Variants in PCDHGB3 observed in about 807,000 individuals in gnomAD.
PCDHGB3 encodes protocadherin gamma subfamily B, 3, also known as protocadherin gamma-B3.
Under a neutral mutation model 59.2 loss-of-function variants are expected in PCDHGB3, and 40 were observed. The observed-to-expected ratio is 0.68, with a 90% CI of 0.52 to 0.88. PCDHGB3 has a LOEUF of 0.88. Among genes scored for constraint, PCDHGB3 ranks in the 40% least tolerant of loss-of-function variants. PCDHGB3 has a pLI of 0.00. For synonymous variants in PCDHGB3, 581 were observed against 503.6 expected (o/e 1.15, Z -2.06); for missense variants, 1,309 against 1,187.9 (o/e 1.10, Z -1.50).
At chr5:141,494,940 AG>A (rs888721888) in intron 2 of PCDHGB3, 75 bp downstream of exon 2, 1 of 1,610,860 alleles carries the variant, frequency 6.2e-7, no homozygotes, top group Non-Finnish European at 8.5e-7. Flanking sequence ...GAGATGGGGG[AG>A]GGCCCAGCAT....
At chr5:141,405,775 G>A (rs2094716657) in intron 1 of PCDHGB3, among the ~76,000 whole-genome samples, 1 of 152,002 alleles carries the variant, frequency 6.6e-6, no homozygotes, top group African/African-American at 2.4e-5. Flanking sequence ...ACTGCGCCTG[G>A]CCCTTAACTT....
At chr5:141,396,502 C>T (rs982229069) in intron 1 of PCDHGB3, 2 of 152,106 alleles carry the variant, frequency 1.3e-5, no homozygotes, top group African/African-American at 4.8e-5. Flanking sequence ...CGCCTGTGGT[C>T]CCAGCTACTC....
intron 1 of PCDHGB3, among the ~76,000 whole-genome samples, chr5:141,436,491 T>G (rs546883133): frequency 6.6e-6 from 1 of 152,182 alleles, no homozygotes; most frequent in Non-Finnish European, 1.5e-5. Flanking sequence ...GATAGCAGCT[T>G]TGCAATTAGG....
chr5:141,452,888 C>T (rs62379168), intron 1 of PCDHGB3, among the ~76,000 whole-genome samples: 13,856 of 152,130 alleles, frequency 0.091, 849 homozygotes, highest in African/African-American at 0.17. Flanking sequence ...TAATTTATTC[C>T]ACTTTTATTA....
At position 141,431,590 on chromosome 5, in the gene PCDHGB3, G is replaced by A; in HGVS notation, c.2415+58781G>A. On this transcript the variant is annotated intron_variant, in intron 1 of 3. Transcript: ENST00000576222. The surrounding 1 kb of genome is among the most constrained non-coding windows in gnomAD (Gnocchi z 4.8). ...CTGACGAAGGAGTCAATGCGGAAGT[G>A]AGGTATTCCTTCCGGTATGTGGACG... 1.2e-6 allele frequency: 2 copies of A among 1,614,240 alleles called. No homozygotes were observed. Among genetic ancestry groups the A allele is most frequent in the South Asian group, 1.1e-5 (1 of 91,090 alleles).
intron 1 of PCDHGB3, among the ~76,000 whole-genome samples, chr5:141,451,873 C>A (rs1425706652): frequency 1.3e-5 from 2 of 151,830 alleles, no homozygotes; most frequent in East Asian, 3.9e-4. Context: ...AGAATGAAAC[C>A]CTGTCAAGAA....
chr5:141,490,869 A>G lies in PCDHGB3; in HGVS notation c.2416-3938A>G, dbSNP rs764138126. ...GGGTTCGAGACTCCGGCTCTCCCCCATTGCATGCCAACACATCTCTGCATG... is the reference window on the plus strand; with the variant it reads ...GGGTTCGAGACTCCGGCTCTCCCCCGTTGCATGCCAACACATCTCTGCATG... On this transcript the variant is annotated intron_variant, in intron 1 of 3. Transcript: ENST00000576222. This position sits in a 1 kb window ranked among gnomAD's most constrained non-coding sequence, Gnocchi z 5.4. 4.3e-6 allele frequency: 7 copies of G among 1,613,784 alleles called. No homozygotes were observed. The highest frequency in any genetic ancestry group is 1.7e-5 in the Admixed American group (1 of 60,004).
At chr5:141,405,074 G>A (rs536930748) in intron 1 of PCDHGB3, 7 of 1,613,794 alleles carry the variant, frequency 4.3e-6, no homozygotes, top group Non-Finnish European at 5.1e-6. Context: ...CCTCACCTTC[G>A]TTATCACGCT....
At chr5:141,374,059 C>T in intron 1 of PCDHGB3, 1 of 1,489,738 alleles carries the variant, frequency 6.7e-7, no homozygotes, top group Non-Finnish European at 8.9e-7. Flanking sequence ...TTCTTAATCC[C>T]AGAGAAGTTC....
chr5:141,448,818 G>A (rs2098609016), intron 1 of PCDHGB3, among the ~76,000 whole-genome samples: 1 of 151,984 alleles, frequency 6.6e-6, no homozygotes, highest in Admixed American at 6.6e-5. Context: ...GATGGCGGGC[G>A]CCTGTAGTCC....
intron 1 of PCDHGB3, chr5:141,374,293 T>C (rs369929839): frequency 1.2e-6 from 2 of 1,613,788 alleles, no homozygotes; most frequent in African/African-American, 1.3e-5. Context: ...TCTCCAGAGG[T>C]AGGATGCAGC....
At chr5:141,400,756 C>G (rs1220648843) in intron 1 of PCDHGB3, 1 of 584,890 alleles carries the variant, frequency 1.7e-6, no homozygotes, top group African/African-American at 1.9e-5. Context: ...AGCTTCCTCT[C>G]TAGCAAAAAC....
At position 141,491,583 on chromosome 5, in the gene PCDHGB3, C is replaced by T; in HGVS notation, c.2416-3224C>T. On this transcript the variant is annotated intron_variant, in intron 1 of 3. Transcript: ENST00000576222. The surrounding 1 kb of genome is among the most constrained non-coding windows in gnomAD (Gnocchi z 6.9). ...GCTACAGGACGTGCTTTTCACCGGC[C>T]TCGGACGGCAGTGACTTCACTTTTC... 1 of 1,613,964 alleles carries T rather than the reference C, an allele frequency of 6.2e-7. No individual in the cohort carries two copies. Among genetic ancestry groups the T allele is most frequent in the African/African-American group, 1.3e-5 (1 of 75,032 alleles).
In PCDHGB3 at chr5:141,423,465, G is replaced by A. The variant is rs762995150; in HGVS notation, c.2415+50656G>A. On this transcript the variant is annotated intron_variant, in intron 1 of 3. Coordinates refer to ENST00000576222, the MANE Select transcript of PCDHGB3 (RefSeq NM_018924.5). ...CGTCACATTTTGTAGGCGTGGACGG[G>A]GTACAGGCTTTCCTGCAAACCTATT... The A allele has an allele frequency of 2.6e-5, 42 of 1,614,006 alleles. 1 individual carries two copies. The Middle Eastern group carries it at 1.5e-3, about 57-fold the overall frequency.
In PCDHGB3 at chr5:141,372,258, C is replaced by T. The variant is rs762173867; in HGVS notation, c.1864C>T (p.Arg622Cys). ...SEPGLFSLGL[R>C]TGEVRTARTL... The stretch of plus-strand genomic sequence containing the variant: ...GCCCGGGCTGTTCAGCCTGGGCCTG[C>T]GCACGGGTGAGGTGCGCACGGCGCG... Residue 622 changes from arginine (R) to cysteine (C), a missense_variant, in exon 1 of 4, where the codon CGC becomes TGC. Physicochemically the swap from Arg to Cys is radical, Grantham distance 180. Transcript: ENST00000576222. 1 of 1,613,070 alleles carries T rather than the reference C, an allele frequency of 6.2e-7. No individual in the cohort carries two copies. Among genetic ancestry groups the T allele is most frequent in the African/African-American group, 1.3e-5 (1 of 75,054 alleles).
At chr5:141,464,264 A>G (rs1357786078) in intron 1 of PCDHGB3, among the ~76,000 whole-genome samples, 2 of 130,598 alleles carry the variant, frequency 1.5e-5, no homozygotes, top group East Asian at 4.2e-4. Flanking sequence ...GACTCCGTCT[A>G]AAAAAAAAAA....
intron 1 of PCDHGB3, among the ~76,000 whole-genome samples, chr5:141,430,383 G>GA (rs139772145): frequency 0.061 from 8,436 of 138,452 alleles, 243 homozygotes; most frequent in South Asian, 0.089. Context: ...AGCTCATTGG[G>GA]AAAAAAAAAA....
At chr5:141,430,846 C>CCA in intron 1 of PCDHGB3, 1 of 1,576,346 alleles carries the variant, frequency 6.3e-7, no homozygotes, top group Non-Finnish European at 8.6e-7. Context: ...CCGGATGCAC[C>CCA]CAGATACGCT....
chr5:141,472,065 G>C lies in PCDHGB3; in HGVS notation c.2416-22742G>C, dbSNP rs115025688. Among the ~76,000 whole-genome samples the C allele has an allele frequency of 1.7e-3, 265 of 152,218 alleles. 1 individual carries two copies. Among genetic ancestry groups the C allele is most frequent in the Middle Eastern group, 3.4e-3 (1 of 294 alleles). On this transcript the variant is annotated intron_variant, in intron 1 of 3. Coordinates refer to ENST00000576222, the MANE Select transcript of PCDHGB3 (RefSeq NM_018924.5). ...GATTTTAAAAATGATTGACATGTCT[G>C]TGGTTATATCAATGAGTACTATTAT...
Sources: allele counts gnomAD v4.1 joint callset (sites outside exome capture counted in the v4.1 genomes callset), GRCh38; gene constraint gnomAD v4.1.1; non-coding constraint Gnocchi (gnomAD v3.1); transcripts MANE v1.5; gene names NCBI Gene and HGNC (gene_info 2026-07-23, HGNC 2026-07-21).